Variants in RIGI observed in about 807,000 individuals in gnomAD.
RIGI encodes the protein RNA sensor RIG-I, also known as antiviral innate immune response receptor RIG-I.
the RIGI span, among the ~76,000 whole-genome samples, chr9:32,484,319 A>G: frequency 1.3e-5 from 2 of 152,218 alleles, no homozygotes; most frequent in Admixed American, 6.5e-5. Context: ...CAATTATAAT[A>G]GAAATTAAAC....
At chr9:32,499,151 C>T in the RIGI span, among the ~76,000 whole-genome samples, 1 of 151,940 alleles carries the variant, frequency 6.6e-6, no homozygotes, top group East Asian at 1.9e-4. Context: ...CATTTATTCA[C>T]TTTTCATTCT....
the RIGI span, among the ~76,000 whole-genome samples, chr9:32,513,766 G>T: frequency 6.6e-6 from 1 of 152,180 alleles, no homozygotes; most frequent in Non-Finnish European, 1.5e-5. Flanking sequence ...CACAGCTAAA[G>T]AAACTATCAT....
the RIGI span, chr9:32,459,498 G>A: frequency 1.9e-6 from 3 of 1,610,846 alleles, no homozygotes; most frequent in South Asian, 3.3e-5. Context: ...TTTTTCATGA[G>A]TCTGTATATG....
At chr9:32,485,407 A>T in the RIGI span, 2 of 693,364 alleles carry the variant, frequency 2.9e-6, no homozygotes, top group South Asian at 3.6e-5. Flanking sequence ...TGAAAAACCT[A>T]AGGTTCCAGG....
the RIGI span, among the ~76,000 whole-genome samples, chr9:32,458,055 A>G: frequency 0.33 from 50,583 of 152,038 alleles, 8,862 homozygotes; most frequent in Admixed American, 0.41. Flanking sequence ...TATGACTCCT[A>G]ATAGGCTTTT....
At chr9:32,462,197 A>C in the RIGI span, among the ~76,000 whole-genome samples, 1 of 152,160 alleles carries the variant, frequency 6.6e-6, no homozygotes, top group Non-Finnish European at 1.5e-5. Context: ...ATTGCTGTAA[A>C]GCCTATTGAT....
At chr9:32,515,422 T>C in the RIGI span, among the ~76,000 whole-genome samples, 1 of 152,106 alleles carries the variant, frequency 6.6e-6, no homozygotes, top group Non-Finnish European at 1.5e-5. Context: ...CCCTTCTCAA[T>C]AAACTCACAT....
At chr9:32,495,348 C>A in the RIGI span, among the ~76,000 whole-genome samples, 2 of 151,102 alleles carry the variant, frequency 1.3e-5, no homozygotes, top group Non-Finnish European at 3.0e-5. Context: ...ATTACAGGCA[C>A]CCGCCACCGC....
chr9:32,504,479 A>G, the RIGI span, among the ~76,000 whole-genome samples: 1 of 151,976 alleles, frequency 6.6e-6, no homozygotes, highest in Non-Finnish European at 1.5e-5. Flanking sequence ...GGAGTTCGAG[A>G]CTAGCCTGGC....
At chr9:32,510,299 A>G in the RIGI span, among the ~76,000 whole-genome samples, 1 of 152,206 alleles carries the variant, frequency 6.6e-6, no homozygotes, top group African/African-American at 2.4e-5. Flanking sequence ...AGATTCACCA[A>G]GGTTGAAATG....
chr9:32,494,000 G>T, the RIGI span: 3 of 1,283,904 alleles, frequency 2.3e-6, no homozygotes, highest in Non-Finnish European at 3.2e-6. Flanking sequence ...AATACTTTGA[G>T]ATTAGTATCA....
the RIGI span, among the ~76,000 whole-genome samples, chr9:32,521,151 A>AAAAAAAAAAAAAC: frequency 2.0e-5 from 3 of 150,354 alleles, no homozygotes; most frequent in Non-Finnish European, 4.5e-5. Context: ...AAAAAAAAAA[A>AAAAAAAAAAAAAC]AAAAAAAAAA....
At chr9:32,519,206 C>T in the RIGI span, among the ~76,000 whole-genome samples, 4 of 152,012 alleles carry the variant, frequency 2.6e-5, no homozygotes, top group Non-Finnish European at 5.9e-5. Flanking sequence ...CATTTATTTG[C>T]TGTTTCTTCT....
chr9:32,486,642 G>T, the RIGI span, among the ~76,000 whole-genome samples: 3 of 151,868 alleles, frequency 2.0e-5, no homozygotes, highest in African/African-American at 4.8e-5. Flanking sequence ...AAAGAGCAGT[G>T]ATGTACAAAG....
chr9:32,482,167 C>T, the RIGI span, among the ~76,000 whole-genome samples: 1 of 151,112 alleles, frequency 6.6e-6, no homozygotes, highest in East Asian at 1.9e-4. Flanking sequence ...GAGTTTTAAG[C>T]AGTGCATCTG....
At chr9:32,489,387 C>T in the RIGI span, 1 of 1,613,248 alleles carries the variant, frequency 6.2e-7, no homozygotes, top group East Asian at 2.2e-5. Flanking sequence ...TCATAGCAGG[C>T]AAAGCAAGCT....
chr9:32,479,987 C>T, the RIGI span, among the ~76,000 whole-genome samples: 1 of 152,004 alleles, frequency 6.6e-6, no homozygotes, highest in African/African-American at 2.4e-5. Context: ...ACACCCTTTG[C>T]AAATCTTGTT....
At chr9:32,488,275 T>A in the RIGI span, 2 of 1,494,364 alleles carry the variant, frequency 1.3e-6, no homozygotes, top group Non-Finnish European at 1.8e-6. Flanking sequence ...AAATGCTAGA[T>A]CAGAACATCA....
the RIGI span, among the ~76,000 whole-genome samples, chr9:32,482,534 G>C: frequency 1.3e-5 from 2 of 152,006 alleles, no homozygotes; most frequent in African/African-American, 4.8e-5. Flanking sequence ...AAAATAACAG[G>C]TCTCAAGAGC....
Sources: gnomAD v4.1 joint callset for allele counts (sites outside exome capture counted in the v4.1 genomes callset) on GRCh38, gnomAD v4.1.1 for gene constraint, MANE v1.5 for transcripts, NCBI Gene and HGNC (gene_info 2026-07-23, HGNC 2026-07-21) for gene names.